The following RNF220 variants were observed in gnomAD, a reference collection of about 807,000 sequenced individuals.
RNF220 encodes the protein E3 ubiquitin-protein ligase RNF220.
A neutral mutation model predicts 67.1 loss-of-function variants in RNF220; 7 were observed. The observed-to-expected ratio is 0.10, with a 90% CI of 0.06 to 0.20. RNF220 has a LOEUF of 0.20. Among genes scored for constraint, RNF220 ranks in the 10% least tolerant of loss-of-function variants. RNF220 has a pLI of 1.00. For synonymous variants in RNF220, 270 were observed against 283.2 expected, an observed-to-expected ratio of 0.95 and a Z score of 0.47; for missense variants, 565 against 740.3, an observed-to-expected ratio of 0.76 and a Z score of 2.75.
chr1:44,548,113 G>A (rs74782855), intron 2 of RNF220, among the ~76,000 whole-genome samples: 4,103 of 152,136 alleles, frequency 0.027, 155 homozygotes, highest in East Asian at 0.14. Context: ...CCCATGTCTC[G>A]TTAGTCACGA....
intron 2 of RNF220, among the ~76,000 whole-genome samples, chr1:44,604,585 T>G (rs1429741451): frequency 6.6e-6 from 1 of 152,218 alleles, no homozygotes; most frequent in Non-Finnish European, 1.5e-5. Flanking sequence ...TGACCAAGAC[T>G]CAGTGAGCTT....
At chr1:44,468,460 T>C (rs4233495) in intron 2 of RNF220, among the ~76,000 whole-genome samples, 152,161 of 152,352 alleles carry the variant, frequency 1, 75,985 homozygotes, top group Middle Eastern at 1. Flanking sequence ...AACAGCTATA[T>C]ATATAAGTTA....
At chr1:44,541,194 G>A (rs1352351634) in intron 2 of RNF220, among the ~76,000 whole-genome samples, 2 of 152,172 alleles carry the variant, frequency 1.3e-5, no homozygotes, top group South Asian at 2.1e-4. Context: ...TCAGGAGACC[G>A]AGGTGGGTGG....
intron 2 of RNF220, among the ~76,000 whole-genome samples, chr1:44,471,734 G>A (rs1654826647): frequency 6.6e-6 from 1 of 152,180 alleles, no homozygotes; most frequent in Admixed American, 6.5e-5. Context: ...TGAGGCAGGA[G>A]GATCACTTGA....
intron 8 of RNF220, among the ~76,000 whole-genome samples, chr1:44,641,646 C>T (rs1402462389): frequency 6.6e-6 from 1 of 151,822 alleles, no homozygotes; most frequent in Non-Finnish European, 1.5e-5. Flanking sequence ...TATTATGATT[C>T]TGCCAGAAGT....
In RNF220 at chr1:44,456,788, C is replaced by T. The variant is rs531116887; in HGVS notation, c.625+44066C>T. On this transcript the variant is annotated intron_variant, in intron 2 of 14. Coordinates refer to ENST00000361799, the MANE Select transcript of RNF220 (RefSeq NM_018150.4). ...AAGATCGAACTTATATTGCCATGGC[C>T]TGCACAGTCCTGCAGGGTCTAGCCC... Among the ~76,000 whole-genome samples the T allele has an allele frequency of 1.4e-4, 21 of 152,306 alleles. No homozygotes were observed. The South Asian group carries it at 2.5e-3, about 18-fold the overall frequency.
At chr1:44,416,551 T>C (rs1469120842) in intron 2 of RNF220, among the ~76,000 whole-genome samples, 2 of 152,188 alleles carry the variant, frequency 1.3e-5, no homozygotes, top group Non-Finnish European at 2.9e-5. Flanking sequence ...TGTGACACAG[T>C]CTTTGGCCAG....
At position 44,650,837 on chromosome 1, in the gene RNF220, G is replaced by A; in HGVS notation, c.*62G>A. The A allele has an allele frequency of 6.8e-7, 1 of 1,475,608 alleles. No homozygotes were observed. The highest frequency in any genetic ancestry group is 9.4e-7 in the Non-Finnish European group (1 of 1,060,158). The allele number at this position is 1,475,608 out of a possible 1,614,324, so 91.4% of individuals were successfully genotyped here. A position where few individuals can be genotyped will look rare whatever the true frequency, so the allele number is the denominator to read the frequency against. On this transcript the variant is annotated 3_prime_UTR_variant, in exon 15 of 15. Transcript: ENST00000361799. The surrounding 1 kb of genome is among the most constrained non-coding windows in gnomAD (Gnocchi z 4.3). ...CCACCTGCCCCCAGCCTCTGTGACAGTGACCGTCTCCCTTTGTACATACTT... is the reference window on the plus strand; with the variant it reads ...CCACCTGCCCCCAGCCTCTGTGACAATGACCGTCTCCCTTTGTACATACTT...
intron 2 of RNF220, among the ~76,000 whole-genome samples, chr1:44,588,428 C>CCAGCCCA (rs1558069525): frequency 6.6e-6 from 1 of 152,206 alleles, no homozygotes; most frequent in African/African-American, 2.4e-5. Flanking sequence ...TAGCCCAGCA[C>CCAGCCCA]GCTCAGCCTG....
At chr1:44,570,748 A>G (rs6683304) in intron 2 of RNF220, among the ~76,000 whole-genome samples, 10,997 of 152,068 alleles carry the variant, frequency 0.072, 1,274 homozygotes, top group African/African-American at 0.25. Flanking sequence ...CCCACGATCT[A>G]TTCTTTGCAC....
intron 2 of RNF220, among the ~76,000 whole-genome samples, chr1:44,527,449 G>A (rs1660462488): frequency 1.3e-5 from 2 of 152,018 alleles, no homozygotes; most frequent in African/African-American, 4.8e-5. Context: ...TCCTTGCCTT[G>A]TACCTTATAT....
chr1:44,449,499 A>G (rs1652448611), intron 2 of RNF220, among the ~76,000 whole-genome samples: 1 of 151,874 alleles, frequency 6.6e-6, no homozygotes. Context: ...CCGCAGCCTC[A>G]AACTCCTGGG....
At chr1:44,517,449 C>T (rs1018358564) in intron 2 of RNF220, among the ~76,000 whole-genome samples, 1 of 152,150 alleles carries the variant, frequency 6.6e-6, no homozygotes, top group African/African-American at 2.4e-5. Context: ...AAAGATTTCA[C>T]CTGTTTTTTT....
intron 2 of RNF220, among the ~76,000 whole-genome samples, chr1:44,520,303 A>T (rs1659830973): frequency 6.6e-6 from 1 of 152,026 alleles, no homozygotes; most frequent in African/African-American, 2.4e-5. Context: ...TCTACTAAAA[A>T]ATACAAAAAA....
intron 2 of RNF220, among the ~76,000 whole-genome samples, chr1:44,481,360 A>G (rs1480830004): frequency 6.6e-6 from 1 of 152,134 alleles, no homozygotes; most frequent in Admixed American, 6.6e-5. Context: ...CAGGAATTCG[A>G]GGCTGCAGTG....
intron 2 of RNF220, among the ~76,000 whole-genome samples, chr1:44,418,379 T>TG (rs1342877657): frequency 6.6e-6 from 1 of 152,218 alleles, no homozygotes; most frequent in East Asian, 1.9e-4. Context: ...CCTTTCGGCT[T>TG]GAAATGTTTT....
At chr1:44,498,864 G>T (rs1433961892) in intron 2 of RNF220, among the ~76,000 whole-genome samples, 1 of 152,122 alleles carries the variant, frequency 6.6e-6, no homozygotes, top group Middle Eastern at 3.2e-3. Flanking sequence ...TCAGATAATC[G>T]TTTTCAATAT....
intron 2 of RNF220, among the ~76,000 whole-genome samples, chr1:44,547,973 G>A (rs149063043): frequency 2.6e-5 from 4 of 152,070 alleles, no homozygotes; most frequent in Admixed American, 6.5e-5. Context: ...CCCAGCACCC[G>A]CACACATCAA....
chr1:44,483,491 C>A (rs1320167578), intron 2 of RNF220, among the ~76,000 whole-genome samples: 1 of 152,206 alleles, frequency 6.6e-6, no homozygotes, highest in African/African-American at 2.4e-5. Flanking sequence ...CTAACATGTA[C>A]AGTGCTTTGT....
Sources: allele counts gnomAD v4.1 joint callset (sites outside exome capture counted in the v4.1 genomes callset), GRCh38; gene constraint gnomAD v4.1.1; non-coding constraint Gnocchi (gnomAD v3.1); transcripts MANE v1.5; gene names NCBI Gene and HGNC (gene_info 2026-07-23, HGNC 2026-07-21).